The following MAP3K7 variants were observed in gnomAD, a reference collection of about 807,000 sequenced individuals.
The protein encoded by MAP3K7 is TGF-beta activated kinase 1.
In MAP3K7, 21 loss-of-function variants were observed where a neutral mutation model predicts 84.8. The observed-to-expected ratio is 0.25, with a 90% CI of 0.18 to 0.36. The LOEUF is 0.36. Ranked by LOEUF, MAP3K7 falls within the 10% of genes least tolerant of loss-of-function variation. MAP3K7 has a pLI of 1.00. For missense variants in MAP3K7, 503 were observed against 747.7 expected, an observed-to-expected ratio of 0.67 and a Z score of 3.82; for synonymous variants, 241 against 247.7, an observed-to-expected ratio of 0.97 and a Z score of 0.25.
intron 1 of MAP3K7, among the ~76,000 whole-genome samples, chr6:90,580,064 A>T (rs949098643): frequency 2.0e-5 from 3 of 152,250 alleles, no homozygotes; most frequent in African/African-American, 7.2e-5. Flanking sequence ...TATCTTGGTA[A>T]CAAATTTCCT....
At chr6:90,564,582 G>A (rs1340702657) in intron 3 of MAP3K7, among the ~76,000 whole-genome samples, 4 of 152,142 alleles carry the variant, frequency 2.6e-5, no homozygotes, top group Admixed American at 2.0e-4. Context: ...AGTCCTTAGA[G>A]ACCTACAAAG....
At chr6:90,557,089 T>C (rs1350882926) in intron 5 of MAP3K7, among the ~76,000 whole-genome samples, 1 of 152,248 alleles carries the variant, frequency 6.6e-6, no homozygotes, top group Non-Finnish European at 1.5e-5. Context: ...ATTTTGAAGA[T>C]ACTTCTAAAA....
At position 90,570,622 on chromosome 6, in the gene MAP3K7, T is replaced by C. The variant is rs189588870; in HGVS notation, c.231+1075A>G. Among the ~76,000 whole-genome samples the C allele has an allele frequency of 1.6e-4, 24 of 152,334 alleles. No homozygotes were observed. The East Asian group carries it at 4.6e-3, about 29-fold the overall frequency. Reference sequence around the variant, plus strand: ...TTAGATTGGAGGAGGTACAGGAGACTGAAGTCTTTTTTACTAAGAATTTTT... The same window carrying C: ...TTAGATTGGAGGAGGTACAGGAGACCGAAGTCTTTTTTACTAAGAATTTTT... On this transcript the variant is annotated intron_variant, in intron 2 of 16. Transcript: ENST00000369329.
intron 10 of MAP3K7, 88 bp from the exon 11 acceptor site, chr6:90,547,475 G>A: frequency 7.1e-7 from 1 of 1,409,276 alleles, no homozygotes; most frequent in Non-Finnish European, 9.8e-7. Flanking sequence ...ATGGCAAATG[G>A]GATTCTGATA....
rs1340907495 is a variant in MAP3K7, at chr6:90,527,981, C to T, written c.1357-4198G>A. Among the ~76,000 whole-genome samples, 2 of 32,642 alleles carry T rather than the reference C, an allele frequency of 6.1e-5. 1 individual carries two copies. Among genetic ancestry groups the T allele is most frequent in the Admixed American group, 5.1e-4 (2 of 3,946 alleles). 21.4% of individuals were successfully genotyped at this position (32,642 alleles called of 152,430 possible). A position where few individuals can be genotyped will look rare whatever the true frequency, so the allele number is the denominator to read the frequency against. On this transcript the variant is annotated intron_variant, in intron 13 of 16. Coordinates refer to ENST00000369329, the MANE Select transcript of MAP3K7 (RefSeq NM_145331.3). ...GCAAGCTCCGCCTCCCGGGTTCACGCCATTCTCCTGCCTCAGCCTCCCGAG... is the reference window on the plus strand; with the variant it reads ...GCAAGCTCCGCCTCCCGGGTTCACGTCATTCTCCTGCCTCAGCCTCCCGAG...
intron 12 of MAP3K7, among the ~76,000 whole-genome samples, chr6:90,541,956 G>T (rs1582187544): frequency 6.6e-6 from 1 of 151,924 alleles, no homozygotes; most frequent in South Asian, 2.1e-4. Context: ...TGGCCAAAGG[G>T]AAGTATTAAC....
At position 90,553,441 on chromosome 6, in the gene MAP3K7, A is replaced by G; in HGVS notation, c.736+17T>C. 2 of 1,601,598 alleles carry G rather than the reference A, an allele frequency of 1.2e-6. No homozygotes were observed. The highest frequency in any genetic ancestry group is 8.5e-7 in the Non-Finnish European group (1 of 1,176,214). ...AAACACAAAAAGTACTTTTAAGAAA[A>G]ATTTCTTTTTACGAACCATTATGAA... On this transcript the variant is annotated intron_variant, in intron 7 of 16. Coordinates refer to ENST00000369329, the MANE Select transcript of MAP3K7 (RefSeq NM_145331.3).
At chr6:90,532,330 C>G (rs1221979493) in intron 13 of MAP3K7, among the ~76,000 whole-genome samples, 1 of 152,032 alleles carries the variant, frequency 6.6e-6, no homozygotes, top group African/African-American at 2.4e-5. Flanking sequence ...TATCAAGAGC[C>G]CGGTGAGGCA....
intron 11 of MAP3K7, 24 bp from the exon 12 acceptor site, chr6:90,544,656 A>G: frequency 6.3e-7 from 1 of 1,587,824 alleles, no homozygotes; most frequent in Non-Finnish European, 8.6e-7. Context: ...TATATACAGT[A>G]TACATGCAAA....
intron 12 of MAP3K7, among the ~76,000 whole-genome samples, chr6:90,540,392 T>G (rs1206179551): frequency 6.6e-6 from 1 of 151,920 alleles, no homozygotes; most frequent in Non-Finnish European, 1.5e-5. Context: ...AGCATTATAA[T>G]CTAATCTGAA....
chr6:90,556,315 G>T (rs943029897), intron 6 of MAP3K7, among the ~76,000 whole-genome samples, 185 bp downstream of exon 6: 1 of 152,168 alleles, frequency 6.6e-6, no homozygotes, highest in African/African-American at 2.4e-5. Flanking sequence ...TAGAAGCATA[G>T]AAGATTTAAA....
At chr6:90,546,773 C>T (rs1776014373) in intron 11 of MAP3K7, among the ~76,000 whole-genome samples, 1 of 152,122 alleles carries the variant, frequency 6.6e-6, no homozygotes, top group African/African-American at 2.4e-5. Context: ...AAATTAACCA[C>T]AACCAGCTTA....
intron 1 of MAP3K7, among the ~76,000 whole-genome samples, chr6:90,579,416 A>C (rs1024820962): frequency 6.6e-6 from 1 of 152,046 alleles, no homozygotes; most frequent in Non-Finnish European, 1.5e-5. Context: ...CAAACCTTAG[A>C]TGTTGCTACT....
At chr6:90,526,784 G>A (rs1370360578) in intron 13 of MAP3K7, among the ~76,000 whole-genome samples, 1 of 151,938 alleles carries the variant, frequency 6.6e-6, no homozygotes, top group Non-Finnish European at 1.5e-5. Flanking sequence ...CAAGCACAGA[G>A]GAGGGTTTTA....
At chr6:90,543,333 T>C (rs146160121) in intron 12 of MAP3K7, among the ~76,000 whole-genome samples, 1 of 152,206 alleles carries the variant, frequency 6.6e-6, no homozygotes, top group African/African-American at 2.4e-5. Flanking sequence ...TAATATAAGA[T>C]AGTTTTATAC....
intron 10 of MAP3K7, 73 bp from the exon 11 acceptor site, chr6:90,547,460 G>A (rs1776040885): frequency 1.3e-6 from 2 of 1,516,368 alleles, no homozygotes; most frequent in Admixed American, 3.9e-5. Flanking sequence ...CCTAAAAGGA[G>A]GAAGATGGCA....
intron 2 of MAP3K7, among the ~76,000 whole-genome samples, chr6:90,570,874 T>C (rs1271326304): frequency 6.6e-6 from 1 of 152,206 alleles, no homozygotes; most frequent in African/African-American, 2.4e-5. Context: ...TCCTAGAACA[T>C]ATTACTAGAA....
chr6:90,547,563 T>C (rs1445739744), intron 10 of MAP3K7, among the ~76,000 whole-genome samples, 176 bp from the exon 11 acceptor site: 1 of 152,184 alleles, frequency 6.6e-6, no homozygotes, highest in African/African-American at 2.4e-5. Context: ...AAGCTGCAGA[T>C]ACTGTCTTTA....
chr6:90,556,690 A>G, intron 5 of MAP3K7, 66 bp from the exon 6 acceptor site: 1 of 1,475,284 alleles, frequency 6.8e-7, no homozygotes, highest in South Asian at 1.3e-5. Flanking sequence ...CAATAAAAGA[A>G]GAGACATTTG....
Sources: allele counts gnomAD v4.1 joint callset (sites outside exome capture counted in the v4.1 genomes callset), GRCh38; gene constraint gnomAD v4.1.1; transcripts MANE v1.5; gene names NCBI Gene and HGNC (gene_info 2026-07-23, HGNC 2026-07-21).